COL4A2: variants seen among roughly 807,000 people sequenced by gnomAD.
COL4A2 encodes collagen alpha-2(IV) chain.
In COL4A2, 99 loss-of-function variants were observed where a neutral mutation model predicts 200.2. The observed-to-expected ratio is 0.49, with a 90% CI of 0.42 to 0.58. The LOEUF (loss-of-function observed/expected upper bound fraction) is 0.58. Ranked by LOEUF, COL4A2 falls within the 20% of genes least tolerant of loss-of-function variation. The pLI is 0.00. For missense variants in COL4A2, 1,950 were observed against 2,314.1 expected (o/e 0.84, Z 3.23); for synonymous variants, 897 against 900.6 (o/e 1.00, Z 0.07).
chr13:110,436,081 AAGG>A (rs759908917), intron 12 of COL4A2, 185 bp from the exon 13 acceptor site: 1 of 831,800 alleles, frequency 1.2e-6, no homozygotes, highest in Non-Finnish European at 2.0e-6. Context: ...TTGCTAATGA[AAGG>A]AGGATATAAA....
intron 4 of COL4A2, among the ~76,000 whole-genome samples, chr13:110,384,256 A>T (rs976745123): frequency 2.6e-5 from 4 of 152,242 alleles, no homozygotes; most frequent in Admixed American, 2.6e-4. Flanking sequence ...ACCTGGAAGG[A>T]TATTCTAGAA....
chr13:110,477,523 T>G (rs1326243029), intron 29 of COL4A2, among the ~76,000 whole-genome samples: 1 of 152,046 alleles, frequency 6.6e-6, no homozygotes, highest in African/African-American at 2.4e-5. Context: ...TGGATAAACA[T>G]AGCAAAAAAA....
At chr13:110,462,208 C>G in intron 23 of COL4A2, 22 bp downstream of exon 23, 1 of 1,614,268 alleles carries the variant, frequency 6.2e-7, no homozygotes, top group Non-Finnish European at 8.5e-7. Flanking sequence ...TCTGGCCACG[C>G]GGCCCCTGGG....
At chr13:110,478,209 C>T in intron 30 of COL4A2, 45 bp downstream of exon 30, 2 of 1,470,802 alleles carry the variant, frequency 1.4e-6, no homozygotes, top group Non-Finnish European at 9.1e-7. Flanking sequence ...CCTCACTGGT[C>T]CTGCCAAGAG....
intron 4 of COL4A2, among the ~76,000 whole-genome samples, chr13:110,408,459 G>A (rs1879660275): frequency 6.6e-6 from 1 of 152,230 alleles, no homozygotes; most frequent in South Asian, 2.1e-4. Context: ...GAGGCCAGGA[G>A]AGTTGGCTTC....
At position 110,485,926 on chromosome 13, in the gene COL4A2, G is replaced by A. The variant is rs538114429; in HGVS notation, c.3207+90G>A. 357 of 1,552,638 alleles carry A rather than the reference G, an allele frequency of 2.3e-4. 3 individuals are homozygous for A. The South Asian group carries it at 3.5e-3, about 15-fold the overall frequency. On this transcript the variant is annotated intron_variant, in intron 34 of 47. Transcript: ENST00000360467. ...ATGCTTTGGTCTGGAATTTGCTAGG[G>A]TGAGAGTGTCAGTGGCAGGTTCAGG...
At chr13:110,478,731 C>CGA (rs2139520093) in intron 30 of COL4A2, among the ~76,000 whole-genome samples, 1 of 152,386 alleles carries the variant, frequency 6.6e-6, no homozygotes, top group South Asian at 2.1e-4. Context: ...TCCAGGGAAA[C>CGA]TGTCAGTGCT....
At chr13:110,471,165 G>A (rs747357895) in intron 28 of COL4A2, among the ~76,000 whole-genome samples, 1 of 152,260 alleles carries the variant, frequency 6.6e-6, no homozygotes, top group Admixed American at 6.5e-5. Context: ...GCTTCTTGCT[G>A]TGAGTATGAA....
At chr13:110,499,857 G>C (rs1280829455) in intron 40 of COL4A2, among the ~76,000 whole-genome samples, 1 of 152,212 alleles carries the variant, frequency 6.6e-6, no homozygotes, top group Non-Finnish European at 1.5e-5. Flanking sequence ...GATTGCACTG[G>C]ATCATCTAAC....
At chr13:110,395,812 G>C (rs970329438) in intron 4 of COL4A2, among the ~76,000 whole-genome samples, 1 of 152,150 alleles carries the variant, frequency 6.6e-6, no homozygotes, top group Non-Finnish European at 1.5e-5. Context: ...AGGTTTGGTG[G>C]CGCATGCCTG....
intron 47 of COL4A2, 106 bp from the exon 48 acceptor site, chr13:110,511,828 G>A (rs1794157602): frequency 6.5e-7 from 1 of 1,547,800 alleles, no homozygotes; most frequent in Non-Finnish European, 8.7e-7. Flanking sequence ...GACACTCATG[G>A]TTTGCTGTTC....
intron 4 of COL4A2, among the ~76,000 whole-genome samples, chr13:110,371,023 A>T (rs1216768579): frequency 6.6e-6 from 1 of 152,250 alleles, no homozygotes; most frequent in Non-Finnish European, 1.5e-5. Context: ...TCTTTAGTAG[A>T]AGGAAATAAA....
Position 110,317,004 on chromosome 13 carries a change from TCA to T in COL4A2, c.99+8892_99+8893del, listed in dbSNP as rs752284585. Among the ~76,000 whole-genome samples the T allele has an allele frequency of 6.6e-5, 10 of 151,784 alleles. 1 individual carries two copies. In the South Asian group the frequency reaches 1.7e-3, roughly 25 times the overall value. On this transcript the variant is annotated intron_variant, in intron 3 of 47. Coordinates refer to ENST00000360467, the MANE Select transcript of COL4A2 (RefSeq NM_001846.4). ...ACACACATACATATGCACCCTGTAC[TCA>T]CACACACACAGACACACAGATGCAC...
intron 3 of COL4A2, among the ~76,000 whole-genome samples, chr13:110,317,134 C>A (rs923460141): frequency 3.4e-5 from 5 of 146,440 alleles, no homozygotes; most frequent in African/African-American, 1.3e-4. Context: ...CACTTGCACC[C>A]CACACACACA....
In COL4A2 at chr13:110,450,363, C is replaced by T. The variant is rs767161090; in HGVS notation, c.1248C>T (p.Gly416=). The change falls in exon 20 of 48, where the codon GGC becomes GGT. Residue 416 remains glycine (G), a synonymous_variant. Transcript: ENST00000360467. Reference sequence around the variant, plus strand: ...CCAAGGGCTTCATCGGAGACCCCGGCATCCCTGCGCTCTACGGGGGCCCAC... The same window carrying T: ...CCAAGGGCTTCATCGGAGACCCCGGTATCCCTGCGCTCTACGGGGGCCCAC... ...MGPKGFIGDP[G]IPALYGGPPG... The T allele has an allele frequency of 2.5e-6, 4 of 1,613,614 alleles. No homozygotes were observed. The South Asian group carries it at 3.3e-5, about 13-fold the overall frequency.
chr13:110,454,577 C>T (rs56089941), intron 20 of COL4A2, among the ~76,000 whole-genome samples: 30,008 of 152,002 alleles, frequency 0.2, 3,287 homozygotes, highest in Middle Eastern at 0.37. Context: ...ACCTGGTCAC[C>T]GGTCACCCTT....
intron 36 of COL4A2, 97 bp from the exon 37 acceptor site, chr13:110,491,136 G>A: frequency 1.3e-6 from 1 of 791,772 alleles, no homozygotes; most frequent in Non-Finnish European, 2.2e-6. Context: ...TCCTGAAGGA[G>A]CAGCAGTGTG....
chr13:110,471,875 A>T (rs1332155109), intron 28 of COL4A2, among the ~76,000 whole-genome samples: 1 of 152,136 alleles, frequency 6.6e-6, no homozygotes, highest in Non-Finnish European at 1.5e-5. Context: ...TGCCAGTCTC[A>T]TCGTTGCAGG....
intron 45 of COL4A2, among the ~76,000 whole-genome samples, chr13:110,506,183 T>C (rs954310763): frequency 1.3e-5 from 2 of 151,686 alleles, no homozygotes; most frequent in Non-Finnish European, 2.9e-5. Context: ...CCACTCTCTC[T>C]CTCTCTCAGG....
Sources: allele counts gnomAD v4.1 joint callset (sites outside exome capture counted in the v4.1 genomes callset), GRCh38; gene constraint gnomAD v4.1.1; transcripts MANE v1.5; gene names NCBI Gene and HGNC (gene_info 2026-07-23, HGNC 2026-07-21).